Variants in JPH1 observed in about 807,000 individuals in gnomAD.
The protein encoded by JPH1 is junctophilin 1.
In JPH1, 12 loss-of-function variants were observed where a neutral mutation model predicts 53.6. The observed-to-expected ratio is 0.22, with a 90% CI of 0.14 to 0.36. The LOEUF (loss-of-function observed/expected upper bound fraction) is 0.36. Among genes scored for constraint, JPH1 ranks in the 10% least tolerant of loss-of-function variants. JPH1 has a pLI of 1.00. For missense variants in JPH1, 808 were observed against 905.5 expected, an observed-to-expected ratio of 0.89 and a Z score of 1.38; for synonymous variants, 375 against 363.8, an observed-to-expected ratio of 1.03 and a Z score of -0.35.
chr8:74,234,973 T>G lies in JPH1; in HGVS notation c.*2078A>C, dbSNP rs1466991924. 1 of 152,634 alleles carries G rather than the reference T, an allele frequency of 6.6e-6. No individual in the cohort carries two copies. The highest frequency in any genetic ancestry group is 1.9e-4 in the East Asian group (1 of 5,206). The allele number at this position is 152,634 out of a possible 1,614,324, so 9.5% of individuals were successfully genotyped here. A position where few individuals can be genotyped will look rare whatever the true frequency, so the allele number is the denominator to read the frequency against. On this transcript the variant is annotated 3_prime_UTR_variant, in exon 6 of 6. Transcript: ENST00000342232. ...ACATTTTAGAAAAATACCAACAATT[T>G]GAGCTTTGTTTTAAAAAAGCTTATA...
chr8:74,293,702 A>G (rs1807407881), intron 2 of JPH1, among the ~76,000 whole-genome samples: 1 of 152,086 alleles, frequency 6.6e-6, no homozygotes, highest in Admixed American at 6.5e-5. Context: ...CACTTCTTTG[A>G]TTTCTGGCAA....
rs1808129270 is a variant in JPH1 at position 74,315,507 on chromosome 8, A to G, written c.493T>C (p.Ser165Pro). ...IRSPLRTSLA[S>P]LRSEQSNGSV... Reference sequence around the variant, plus strand: ...CCATTGCTCTGCTCGCTGCGCAGCGAGGCCAGCGAGGTACGCAGCGGTGAG... The same window carrying G: ...CCATTGCTCTGCTCGCTGCGCAGCGGGGCCAGCGAGGTACGCAGCGGTGAG... The change falls in exon 2 of 6, where the codon TCG becomes CCG. Residue 165 changes from serine (S) to proline (P), a missense_variant. This residue lies in a region of JPH1 where 756 missense variants were observed against 811.9 expected (regional missense o/e 0.93). Coordinates refer to ENST00000342232, the MANE Select transcript of JPH1 (RefSeq NM_020647.4). This position sits in a 1 kb window ranked among gnomAD's most constrained non-coding sequence, Gnocchi z 6.3. 2 of 1,605,564 alleles carry G rather than the reference A, an allele frequency of 1.2e-6. No homozygotes were observed. Among genetic ancestry groups the G allele is most frequent in the Non-Finnish European group, 1.7e-6 (2 of 1,177,074 alleles).
At chr8:74,296,204 C>T (rs918894370) in intron 2 of JPH1, among the ~76,000 whole-genome samples, 2 of 152,008 alleles carry the variant, frequency 1.3e-5, no homozygotes, top group East Asian at 1.9e-4. Flanking sequence ...TGCTGGGTCC[C>T]GTGCAAGGTA....
rs1237537852 is a variant in JPH1, at chr8:74,311,715, C to T, written c.1139+3146G>A. Reference sequence around the variant, plus strand: ...TCCCCAGAGTGTGATGTTCCCTTTCCTGTGTCCATGTGTTCTCATTGTTCA... The same window carrying T: ...TCCCCAGAGTGTGATGTTCCCTTTCTTGTGTCCATGTGTTCTCATTGTTCA... On this transcript the variant is annotated intron_variant, in intron 2 of 5. Transcript: ENST00000342232. Among the ~76,000 whole-genome samples, 4 of 122,208 alleles carry T rather than the reference C, an allele frequency of 3.3e-5. No individual in the cohort carries two copies. The Admixed American group carries it at 4.5e-4, about 14-fold the overall frequency. 80.2% of individuals were successfully genotyped at this position (122,208 alleles called of 152,430 possible).
In JPH1 at chr8:74,300,892, C is replaced by T. The variant is rs961387281; in HGVS notation, c.1139+13969G>A. On this transcript the variant is annotated intron_variant, in intron 2 of 5. Coordinates refer to ENST00000342232, the MANE Select transcript of JPH1 (RefSeq NM_020647.4). The stretch of plus-strand genomic sequence containing the variant: ...AGAGACCCAGAAAGATTACTTGTTT[C>T]ATATGTACTTGTTTCATATGAATGA... Among the ~76,000 whole-genome samples the T allele has an allele frequency of 5.5e-4, 83 of 152,168 alleles. 2 individuals carry two copies. The highest frequency in any genetic ancestry group is 1.3e-4 in the Non-Finnish European group (9 of 68,026).
chr8:74,316,609 T>C (rs1250013770), intron 1 of JPH1, among the ~76,000 whole-genome samples: 1 of 152,242 alleles, frequency 6.6e-6, no homozygotes, highest in Admixed American at 6.5e-5. Context: ...AATCTTCTAC[T>C]GTTACCATTT....
intron 2 of JPH1, among the ~76,000 whole-genome samples, chr8:74,276,705 A>C (rs1806858861): frequency 6.6e-6 from 1 of 152,212 alleles, no homozygotes; most frequent in Non-Finnish European, 1.5e-5. Context: ...CTGCACATGC[A>C]CACCTGCATC....
intron 2 of JPH1, among the ~76,000 whole-genome samples, chr8:74,287,620 C>T (rs995529409): frequency 4.0e-5 from 6 of 151,298 alleles, no homozygotes; most frequent in African/African-American, 1.5e-4. Flanking sequence ...TTGAGAAGGT[C>T]ACTAAATTGC....
intron 3 of JPH1, among the ~76,000 whole-genome samples, chr8:74,246,644 CATA>C (rs1487408035): frequency 6.6e-6 from 1 of 151,740 alleles, no homozygotes; most frequent in Admixed American, 6.6e-5. Context: ...CAGAAAAAAA[CATA>C]ATGCAACACA....
intron 2 of JPH1, among the ~76,000 whole-genome samples, chr8:74,289,124 T>C (rs1371351928): frequency 2.0e-5 from 3 of 152,230 alleles, no homozygotes; most frequent in Non-Finnish European, 4.4e-5. Context: ...CCACAGGACC[T>C]TGTAAACCAG....
Position 74,321,207 on chromosome 8 carries a change from G to A in JPH1, c.81C>T (p.Gly27=), listed in dbSNP as rs149053233. The part of the protein sequence containing the change: ...GWEEGKAHGH[G]ICTGPKGQGE... ...CCTGGCCCTTGGGCCCCGTGCAGATGCCATGCCCGTGCGCCTTGCCCTCCT... is the reference window on the plus strand; with the variant it reads ...CCTGGCCCTTGGGCCCCGTGCAGATACCATGCCCGTGCGCCTTGCCCTCCT... The change falls in exon 1 of 6, where the codon GGC becomes GGT. Residue 27 remains glycine, a synonymous_variant. Coordinates refer to ENST00000342232, the MANE Select transcript of JPH1 (RefSeq NM_020647.4). The surrounding 1 kb of genome is among the most constrained non-coding windows in gnomAD (Gnocchi z 4.3). The A allele has an allele frequency of 1.9e-6, 3 of 1,612,302 alleles. No homozygotes were observed. Among genetic ancestry groups the A allele is most frequent in the Non-Finnish European group, 2.5e-6 (3 of 1,179,470 alleles).
chr8:74,298,711 AC>A (rs1254478437), intron 2 of JPH1, among the ~76,000 whole-genome samples: 2 of 152,144 alleles, frequency 1.3e-5, no homozygotes, highest in Admixed American at 1.3e-4. Context: ...TACAAATCTG[AC>A]AGTAGGGCTG....
rs1806986932 is a variant in JPH1 at position 74,235,971 on chromosome 8, A to T, written c.*1080T>A. 6.6e-6 allele frequency: 1 copy of T among 152,248 alleles called. No individual in the cohort carries two copies. Among genetic ancestry groups the T allele is most frequent in the Non-Finnish European group, 1.5e-5 (1 of 68,046 alleles). 9.4% of individuals were successfully genotyped at this position (152,248 alleles called of 1,614,324 possible). A position where few individuals can be genotyped will look rare whatever the true frequency, so the allele number is the denominator to read the frequency against. ...ATCTTGCTTAACTTTCATGGGAATT[A>T]ACACAGCCACCGACAAGATTTTATT... On this transcript the variant is annotated 3_prime_UTR_variant, in exon 6 of 6. Transcript: ENST00000342232.
intron 3 of JPH1, among the ~76,000 whole-genome samples, chr8:74,251,225 A>T (rs916006960): frequency 6.6e-6 from 1 of 152,186 alleles, no homozygotes; most frequent in African/African-American, 2.4e-5. Flanking sequence ...GTTGGGATGA[A>T]CACTGCCAAT....
Position 74,321,340 on chromosome 8 carries a change from TG to T in JPH1, c.-54del. The T allele has an allele frequency of 6.9e-7, 1 of 1,456,670 alleles. No individual in the cohort carries two copies. The highest frequency in any genetic ancestry group is 9.0e-7 in the Non-Finnish European group (1 of 1,106,020). 90.2% of individuals were successfully genotyped at this position (1,456,670 alleles called of 1,614,324 possible). Reference sequence around the variant, plus strand: ...GCAGGGGCACGGACGCGGGCAGTGCTGGGCACGGCAGGGTGTAGCTCGGGGG... The same window carrying T: ...GCAGGGGCACGGACGCGGGCAGTGCTGGCACGGCAGGGTGTAGCTCGGGGG... On this transcript the variant is annotated 5_prime_UTR_variant, in exon 1 of 6. Transcript: ENST00000342232. The surrounding 1 kb of genome is among the most constrained non-coding windows in gnomAD (Gnocchi z 4.3).
chr8:74,278,069 A>G (rs1241880223), intron 2 of JPH1, among the ~76,000 whole-genome samples: 1 of 152,170 alleles, frequency 6.6e-6, no homozygotes, highest in Non-Finnish European at 1.5e-5. Flanking sequence ...ATTTATTGAT[A>G]TGGTTTGGCT....
chr8:74,295,190 T>C (rs1807469098), intron 2 of JPH1, among the ~76,000 whole-genome samples: 1 of 152,148 alleles, frequency 6.6e-6, no homozygotes, highest in Non-Finnish European at 1.5e-5. Flanking sequence ...CAGGCCCTGC[T>C]CAAGACTCAA....
intron 2 of JPH1, among the ~76,000 whole-genome samples, chr8:74,272,600 CTTT>C (rs765158506): frequency 1.8e-5 from 2 of 112,672 alleles, no homozygotes; most frequent in Non-Finnish European, 1.8e-5. Flanking sequence ...ACCCTTAGTT[CTTT>C]TTTTTTTTTT....
At chr8:74,306,002 TTTTTGTTTTG>T (rs371155258) in intron 2 of JPH1, among the ~76,000 whole-genome samples, 2 of 150,850 alleles carry the variant, frequency 1.3e-5, no homozygotes, top group African/African-American at 2.5e-5. Flanking sequence ...GAAAGAGTTT[TTTTTGTTTTG>T]TTTTGTTTTG....
Sources: allele counts gnomAD v4.1 joint callset (sites outside exome capture counted in the v4.1 genomes callset), GRCh38; gene constraint gnomAD v4.1.1; regional missense constraint gnomAD v4.1.1; non-coding constraint Gnocchi (gnomAD v3.1); transcripts MANE v1.5; gene names NCBI Gene and HGNC (gene_info 2026-07-23, HGNC 2026-07-21).